The following MPHOSPH9 variants were observed in gnomAD, a reference collection of about 807,000 sequenced individuals.
MPHOSPH9 encodes the protein M-phase phosphoprotein 9.
Under a neutral mutation model 145.5 loss-of-function variants are expected in MPHOSPH9, and 88 were observed. The ratio of observed to expected loss-of-function variants is 0.60; its 90% confidence interval spans 0.51 to 0.72. The LOEUF (loss-of-function observed/expected upper bound fraction) is 0.72. Among genes scored for constraint, MPHOSPH9 ranks in the 30% least tolerant of loss-of-function variants. MPHOSPH9 has a pLI of 0.00. For missense variants in MPHOSPH9, 1,238 were observed against 1,386.6 expected, an observed-to-expected ratio of 0.89 and a Z score of 1.70; for synonymous variants, 435 against 486.2, an observed-to-expected ratio of 0.89 and a Z score of 1.39.
rs2043991552 is a variant in MPHOSPH9, at chr12:123,159,105, A to G, written c.3450+1676T>C. On this transcript the variant is annotated intron_variant, in intron 23 of 23. Coordinates refer to ENST00000606320, the MANE Select transcript of MPHOSPH9 (RefSeq NM_022782.4). The surrounding 1 kb of genome is among the most constrained non-coding windows in gnomAD (Gnocchi z 4.3). ...ACTCCGTCTCCAAACTAGATAAATA[A>G]AAGATTAGCCAAGACAACCCCACAC... Among the ~76,000 whole-genome samples the G allele has an allele frequency of 6.6e-6, 1 of 152,220 alleles. No individual in the cohort carries two copies.
chr12:123,181,112 C>A, intron 14 of MPHOSPH9, 51 bp downstream of exon 14: 4 of 1,519,364 alleles, frequency 2.6e-6, no homozygotes, highest in Non-Finnish European at 3.7e-6. Flanking sequence ...ATTCCCAATC[C>A]AATGTTTCTG....
At chr12:123,187,566 C>CA (rs1407767068) in intron 13 of MPHOSPH9, among the ~76,000 whole-genome samples, 1 of 151,482 alleles carries the variant, frequency 6.6e-6, no homozygotes, top group Non-Finnish European at 1.5e-5. Flanking sequence ...TTTACAAGAG[C>CA]AAAAAAACGA....
intron 12 of MPHOSPH9, among the ~76,000 whole-genome samples, chr12:123,197,957 G>A (rs1485594016): frequency 6.8e-6 from 1 of 147,110 alleles, no homozygotes; most frequent in South Asian, 2.2e-4. Flanking sequence ...GGTGGAGGGC[G>A]CCTGTAGTCC....
intron 7 of MPHOSPH9, among the ~76,000 whole-genome samples, chr12:123,210,988 T>C (rs553451470): frequency 0.045 from 6,002 of 132,260 alleles, 247 homozygotes; most frequent in East Asian, 0.25. Context: ...TTTTTTTTTT[T>C]TTTTTTTTTT....
chr12:123,168,324 C>T (rs2044403453), intron 16 of MPHOSPH9, among the ~76,000 whole-genome samples: 1 of 151,836 alleles, frequency 6.6e-6, no homozygotes, highest in South Asian at 2.1e-4. Flanking sequence ...CGCCTGACCG[C>T]CTGGCAACAT....
chr12:123,178,708 G>T (rs1004559953), intron 15 of MPHOSPH9, among the ~76,000 whole-genome samples: 1 of 152,104 alleles, frequency 6.6e-6, no homozygotes, highest in African/African-American at 2.4e-5. Flanking sequence ...ATTTTTAGTA[G>T]AGACAGGGTT....
At chr12:123,160,909 T>C in intron 22 of MPHOSPH9, 60 bp from the exon 23 acceptor site, 1 of 1,555,766 alleles carries the variant, frequency 6.4e-7, no homozygotes. Flanking sequence ...TCACACAGAA[T>C]GGAAAGAAAA....
At chr12:123,208,170 C>T (rs1223018331) in intron 8 of MPHOSPH9, among the ~76,000 whole-genome samples, 2 of 122,998 alleles carry the variant, frequency 1.6e-5, no homozygotes, top group African/African-American at 6.4e-5. Context: ...GCCTAAGTGA[C>T]AGACTGAGAC....
chr12:123,207,141 G>T (rs1156843822), intron 8 of MPHOSPH9, among the ~76,000 whole-genome samples: 1 of 112,442 alleles, frequency 8.9e-6, no homozygotes, highest in Admixed American at 1.1e-4. Flanking sequence ...AAATTCTAAA[G>T]TGGTTAAAAA....
upstream of MPHOSPH9, among the ~76,000 whole-genome samples, chr12:123,236,177 G>T (rs1208174528): frequency 6.6e-6 from 1 of 152,188 alleles, no homozygotes; most frequent in Non-Finnish European, 1.5e-5. Flanking sequence ...ACAAGGTGTA[G>T]AAAGGATAAT....
chr12:123,160,883 C>T (rs2044076422), intron 22 of MPHOSPH9, 34 bp from the exon 23 acceptor site: 2 of 1,601,840 alleles, frequency 1.2e-6, no homozygotes, highest in South Asian at 1.1e-5. Flanking sequence ...GTTTAAATTA[C>T]TGGCAGGGAG....
At chr12:123,174,235 C>T (rs924482859) in intron 16 of MPHOSPH9, among the ~76,000 whole-genome samples, 1 of 152,116 alleles carries the variant, frequency 6.6e-6, no homozygotes, top group Non-Finnish European at 1.5e-5. Flanking sequence ...TTTTTGGCAG[C>T]GCTTTCTCGG....
chr12:123,240,354 AAAG>A lies in MPHOSPH9; in HGVS notation c.-159+3496_-159+3498del, dbSNP rs199960667. Among the ~76,000 whole-genome samples, 972 of 152,248 alleles carry A rather than the reference AAAG, an allele frequency of 6.4e-3. 11 individuals are homozygous for A. The highest frequency in any genetic ancestry group is 0.022 in the African/African-American group (909 of 41,544). On this transcript the variant is annotated intron_variant, in intron 1 of 2. Coordinates refer to the MPHOSPH9 transcript ENST00000545406. ...GTGACGGAGACTCCGTCTAAAAAAAAAAGAAGAAGAAATGCAGAGCCTCAGGCC... is the reference window on the plus strand; with the variant it reads ...GTGACGGAGACTCCGTCTAAAAAAAAAAGAAGAAATGCAGAGCCTCAGGCC...
intron 8 of MPHOSPH9, among the ~76,000 whole-genome samples, chr12:123,205,540 T>C: frequency 6.6e-6 from 1 of 151,602 alleles, no homozygotes; most frequent in Non-Finnish European, 1.5e-5. Flanking sequence ...AGCGAGACTC[T>C]GCCTCAAAAA....
intron 16 of MPHOSPH9, among the ~76,000 whole-genome samples, chr12:123,176,153 C>T (rs566082378): frequency 1.3e-5 from 2 of 151,700 alleles, no homozygotes; most frequent in Admixed American, 6.6e-5. Flanking sequence ...TTATTTACAC[C>T]CAAATCATAA....
intron 3 of MPHOSPH9, among the ~76,000 whole-genome samples, chr12:123,223,620 C>A (rs965509585): frequency 6.6e-6 from 1 of 152,204 alleles, no homozygotes; most frequent in Non-Finnish European, 1.5e-5. Flanking sequence ...CGAGCTCTTG[C>A]ACAGCTCTCA....
At chr12:123,194,066 C>T (rs1461153981) in intron 13 of MPHOSPH9, among the ~76,000 whole-genome samples, 1 of 151,776 alleles carries the variant, frequency 6.6e-6, no homozygotes, top group Non-Finnish European at 1.5e-5. Flanking sequence ...GTCAGGAGTT[C>T]GAGACCAGCC....
chr12:123,186,759 G>C (rs911499713), intron 13 of MPHOSPH9, among the ~76,000 whole-genome samples: 1 of 152,106 alleles, frequency 6.6e-6, no homozygotes, highest in Non-Finnish European at 1.5e-5. Context: ...TCAGGATTTC[G>C]AGGTCAGCCT....
intron 19 of MPHOSPH9, 72 bp from the exon 20 acceptor site, chr12:123,163,206 A>AT (rs1052181127): frequency 3.3e-5 from 46 of 1,413,104 alleles, no homozygotes; most frequent in Admixed American, 5.5e-5. Context: ...CTTATTCAGT[A>AT]TTTTTTTTCT....
Sources: gnomAD v4.1 joint callset for allele counts (sites outside exome capture counted in the v4.1 genomes callset) on GRCh38, gnomAD v4.1.1 for gene constraint, Gnocchi (gnomAD v3.1) non-coding constraint, MANE v1.5 for transcripts, NCBI Gene and HGNC (gene_info 2026-07-23, HGNC 2026-07-21) for gene names.